The following GRM3 variants were observed in gnomAD, a reference collection of about 807,000 sequenced individuals.
The protein encoded by GRM3 is glutamate metabotropic receptor 3.
Under a neutral mutation model 70.5 loss-of-function variants are expected in GRM3, and 26 were observed. The ratio of observed to expected loss-of-function variants is 0.37; its 90% CI spans 0.27 to 0.51. GRM3 has a LOEUF of 0.51. GRM3 is among the 20% of genes least tolerant of loss of function. GRM3 has a pLI of 0.93. For missense variants in GRM3, 859 were observed against 1,123.8 expected, an observed-to-expected ratio of 0.76 and a Z score of 3.37; for synonymous variants, 443 against 434.9, an observed-to-expected ratio of 1.02 and a Z score of -0.23.
chr7:86,853,677 TGA>T (rs1157446381), intron 5 of GRM3, among the ~76,000 whole-genome samples: 2 of 152,214 alleles, frequency 1.3e-5, no homozygotes, highest in Non-Finnish European at 2.9e-5. Flanking sequence ...ACTGTAGAGA[TGA>T]GAGTAAGCTA....
At chr7:86,673,072 C>T (rs1027176509) in intron 1 of GRM3, among the ~76,000 whole-genome samples, 1 of 152,106 alleles carries the variant, frequency 6.6e-6, no homozygotes, top group African/African-American at 2.4e-5. Context: ...AGGTTTAGGG[C>T]TCCAGGTGAT....
chr7:86,685,724 G>A (rs1468836818), intron 1 of GRM3, among the ~76,000 whole-genome samples: 2 of 152,008 alleles, frequency 1.3e-5, no homozygotes, highest in African/African-American at 4.8e-5. Context: ...GGACAACAGG[G>A]TGAAACCCCT....
chr7:86,807,712 C>A (rs146944787), intron 3 of GRM3, among the ~76,000 whole-genome samples: 4,678 of 152,222 alleles, frequency 0.031, 96 homozygotes, highest in Non-Finnish European at 0.049. Flanking sequence ...TTGACTTCCT[C>A]TTTTCCTAAT....
At chr7:86,764,981 G>T in intron 1 of GRM3, 25 bp from the exon 2 acceptor site, 1 of 1,427,132 alleles carries the variant, frequency 7.0e-7, no homozygotes, top group South Asian at 1.6e-5. Flanking sequence ...TACCATTTTT[G>T]TTCATATAAT....
intron 1 of GRM3, among the ~76,000 whole-genome samples, chr7:86,653,264 AG>A (rs1414575123): frequency 3.3e-5 from 5 of 152,196 alleles, no homozygotes; most frequent in Non-Finnish European, 7.3e-5. Flanking sequence ...CATCTCCCAA[AG>A]GCCCTGTTAG....
chr7:86,850,597 C>A, intron 5 of GRM3, 53 bp downstream of exon 5: 2 of 1,211,326 alleles, frequency 1.7e-6, no homozygotes, highest in Non-Finnish European at 2.5e-6. Flanking sequence ...GTAGTCAGGA[C>A]CAGCCTGCCA....
chr7:86,646,879 TG>T (rs1301242309), intron 1 of GRM3, among the ~76,000 whole-genome samples: 2 of 152,252 alleles, frequency 1.3e-5, no homozygotes, highest in East Asian at 3.9e-4. Context: ...TTTTGCACAA[TG>T]GGCTTTTTAA....
At chr7:86,766,795 C>T (rs1014953910) in intron 2 of GRM3, among the ~76,000 whole-genome samples, 4 of 152,036 alleles carry the variant, frequency 2.6e-5, no homozygotes, top group Non-Finnish European at 4.4e-5. Flanking sequence ...TAATCAAAGC[C>T]CCAAGCACTA....
At chr7:86,651,915 C>A (rs956626480) in intron 1 of GRM3, among the ~76,000 whole-genome samples, 17 of 152,278 alleles carry the variant, frequency 1.1e-4, no homozygotes, top group Middle Eastern at 6.8e-3. Flanking sequence ...AGTATTTCAT[C>A]CAAGAAGTAC....
At chr7:86,751,766 G>A (rs992307191) in intron 1 of GRM3, among the ~76,000 whole-genome samples, 2 of 152,082 alleles carry the variant, frequency 1.3e-5, no homozygotes, top group Admixed American at 6.6e-5. Flanking sequence ...CTATTATAAT[G>A]AGAAGGAGGC....
intron 1 of GRM3, among the ~76,000 whole-genome samples, chr7:86,690,146 G>C (rs1431041199): frequency 6.6e-6 from 1 of 152,158 alleles, no homozygotes; most frequent in Non-Finnish European, 1.5e-5. Context: ...CTTCACTTCG[G>C]AGGTGATACT....
chr7:86,798,513 G>A (rs947832284), intron 3 of GRM3, among the ~76,000 whole-genome samples: 1 of 152,106 alleles, frequency 6.6e-6, no homozygotes, highest in Non-Finnish European at 1.5e-5. Context: ...ATTTGAAATG[G>A]GTGTGTATAA....
intron 3 of GRM3, among the ~76,000 whole-genome samples, chr7:86,827,957 A>C (rs990560662): frequency 2.6e-5 from 4 of 151,900 alleles, no homozygotes; most frequent in Non-Finnish European, 5.9e-5. Flanking sequence ...CTAAAAATAC[A>C]AAAAATTAGC....
intron 3 of GRM3, among the ~76,000 whole-genome samples, chr7:86,835,473 A>G (rs1427585918): frequency 6.6e-6 from 1 of 152,234 alleles, no homozygotes; most frequent in East Asian, 1.9e-4. Flanking sequence ...ACTAGTAGTT[A>G]TAAGAAAGAG....
rs537636052 is a variant in GRM3, at chr7:86,782,269, C to T, written c.469-3992C>T. ...ATTGATAGTGATTTCATAATGTAAT[C>T]TGCAATTTCTTCCAGAATTCATTAC... is the stretch of plus-strand genomic sequence containing the variant. On this transcript the variant is annotated intron_variant, in intron 2 of 5. Coordinates refer to ENST00000361669, the MANE Select transcript of GRM3 (RefSeq NM_000840.3). 6.6e-5 allele frequency among the ~76,000 whole-genome samples: 10 copies of T among 151,452 alleles called. No individual in the cohort carries two copies. The East Asian group carries it at 1.7e-3, about 26-fold the overall frequency.
At chr7:86,650,139 G>A (rs1323890218) in intron 1 of GRM3, among the ~76,000 whole-genome samples, 3 of 152,090 alleles carry the variant, frequency 2.0e-5, no homozygotes, top group African/African-American at 7.2e-5. Context: ...CAACTTCCCT[G>A]TGTGAAGAAC....
chr7:86,679,999 A>G (rs1794404813), intron 1 of GRM3, among the ~76,000 whole-genome samples: 1 of 152,160 alleles, frequency 6.6e-6, no homozygotes, highest in African/African-American at 2.4e-5. Context: ...GGAAAAATAA[A>G]TCAAAATATA....
intron 1 of GRM3, among the ~76,000 whole-genome samples, chr7:86,686,378 C>G (rs1478494722): frequency 1.3e-5 from 2 of 152,066 alleles, no homozygotes; most frequent in East Asian, 3.9e-4. Context: ...ATGAGGGAAC[C>G]CTAAAACATG....
intron 1 of GRM3, among the ~76,000 whole-genome samples, chr7:86,660,122 A>G (rs1793855547): frequency 6.6e-6 from 1 of 152,062 alleles, no homozygotes; most frequent in Admixed American, 6.6e-5. Flanking sequence ...AGTTAGAAAG[A>G]AAGAGGTCCT....
Sources: gnomAD v4.1 joint callset for allele counts (sites outside exome capture counted in the v4.1 genomes callset) on GRCh38, gnomAD v4.1.1 for gene constraint, MANE v1.5 for transcripts, NCBI Gene and HGNC (gene_info 2026-07-23, HGNC 2026-07-21) for gene names.